NHSL1: variants seen among roughly 807,000 people sequenced by gnomAD.
The protein encoded by NHSL1 is NHS-like protein 1.
Under a neutral mutation model 95.0 loss-of-function variants are expected in NHSL1, and 48 were observed. That is an observed-to-expected ratio of 0.51 (90% CI 0.40 to 0.64). The LOEUF is 0.64. NHSL1 is among the 30% of genes least tolerant of loss of function. NHSL1 has a pLI of 0.00. For missense variants in NHSL1, 1,971 were observed against 2,077.7 expected, an observed-to-expected ratio of 0.95 and a Z score of 1.00; for synonymous variants, 783 against 833.9, an observed-to-expected ratio of 0.94 and a Z score of 1.05.
intron 1 of NHSL1, among the ~76,000 whole-genome samples, chr6:138,498,090 T>G (rs1198803307): frequency 6.6e-6 from 1 of 152,204 alleles, no homozygotes; most frequent in African/African-American, 2.4e-5. Flanking sequence ...CATTTGTGTT[T>G]CAGAAGAATC....
intron 3 of NHSL1, among the ~76,000 whole-genome samples, chr6:138,453,758 G>C (rs966553587): frequency 1.3e-5 from 2 of 151,534 alleles, no homozygotes; most frequent in Non-Finnish European, 2.9e-5. Context: ...ACATTGCCCA[G>C]GCTGGTCTTG....
intron 5 of NHSL1, among the ~76,000 whole-genome samples, chr6:138,437,459 A>AAT (rs1776263141): frequency 7.1e-6 from 1 of 141,814 alleles, no homozygotes; most frequent in African/African-American, 2.8e-5. Flanking sequence ...AAAAAAAAAA[A>AAT]AAAATACAAT....
intron 1 of NHSL1, among the ~76,000 whole-genome samples, chr6:138,531,042 A>G (rs1782113103): frequency 6.6e-6 from 1 of 152,120 alleles, no homozygotes; most frequent in Admixed American, 6.6e-5. Flanking sequence ...CTATGAGGAG[A>G]CAGCAGTCTG....
chr6:138,611,224 C>G (rs1784508349), intron 1 of NHSL1, among the ~76,000 whole-genome samples: 2 of 152,160 alleles, frequency 1.3e-5, no homozygotes, highest in South Asian at 4.1e-4. Context: ...TCAGTGTCAA[C>G]TATAAATAGC....
intron 1 of NHSL1, among the ~76,000 whole-genome samples, chr6:138,505,203 T>C (rs1272130373): frequency 2.0e-5 from 3 of 152,194 alleles, no homozygotes; most frequent in Non-Finnish European, 4.4e-5. Context: ...AAGTCTTTAT[T>C]TGGAATCCAA....
At chr6:138,588,625 T>C (rs1165658731) in intron 1 of NHSL1, among the ~76,000 whole-genome samples, 1 of 152,236 alleles carries the variant, frequency 6.6e-6, no homozygotes, top group Non-Finnish European at 1.5e-5. Context: ...CATCTGTCCG[T>C]AGAACAGACA....
At chr6:138,591,294 A>C (rs558731794) in intron 1 of NHSL1, among the ~76,000 whole-genome samples, 2 of 152,324 alleles carry the variant, frequency 1.3e-5, no homozygotes, top group African/African-American at 4.8e-5. Flanking sequence ...TATTTAAAGT[A>C]GTCCCTCCCC....
chr6:138,670,774 G>A (rs1348211461), intron 1 of NHSL1, among the ~76,000 whole-genome samples: 8 of 150,296 alleles, frequency 5.3e-5, no homozygotes, highest in African/African-American at 2.0e-4. Context: ...CCCAGAACAA[G>A]AACAACAAAA....
At chr6:138,521,057 T>C (rs1446878822) in intron 1 of NHSL1, among the ~76,000 whole-genome samples, 1 of 152,152 alleles carries the variant, frequency 6.6e-6, no homozygotes, top group African/African-American at 2.4e-5. Flanking sequence ...AAAACCACAG[T>C]ATTCCAGATA....
chr6:138,632,874 C>T (rs750899111), intron 1 of NHSL1, among the ~76,000 whole-genome samples: 14 of 152,086 alleles, frequency 9.2e-5, no homozygotes, highest in Non-Finnish European at 1.8e-4. Context: ...AAATAAAGCA[C>T]CAGGGACCAA....
At chr6:138,445,197 C>T (rs571124163) in intron 4 of NHSL1, among the ~76,000 whole-genome samples, 9 of 152,240 alleles carry the variant, frequency 5.9e-5, no homozygotes, top group African/African-American at 1.7e-4. Flanking sequence ...TGCATTTCAC[C>T]TTAATTCCAT....
chr6:138,475,964 A>AAAAAC (rs1207567867), intron 2 of NHSL1, among the ~76,000 whole-genome samples: 1 of 152,120 alleles, frequency 6.6e-6, no homozygotes, highest in Non-Finnish European at 1.5e-5. Flanking sequence ...CTCTGTCTCA[A>AAAAAC]AAAACAAAAC....
intron 1 of NHSL1, among the ~76,000 whole-genome samples, chr6:138,538,581 G>A (rs915837505): frequency 6.6e-6 from 1 of 151,974 alleles, no homozygotes; most frequent in African/African-American, 2.4e-5. Context: ...CCCAATGTTC[G>A]CGCCCTCGAG....
At chr6:138,533,160 T>C (rs140257906) in intron 1 of NHSL1, among the ~76,000 whole-genome samples, 1 of 152,192 alleles carries the variant, frequency 6.6e-6, no homozygotes, top group Non-Finnish European at 1.5e-5. Context: ...GTAATGGCAA[T>C]ACAAAGAAAT....
upstream of NHSL1, among the ~76,000 whole-genome samples, chr6:138,550,547 T>G (rs1782963299): frequency 1.3e-5 from 2 of 152,198 alleles, no homozygotes; most frequent in African/African-American, 4.8e-5. Context: ...CCTTGTAGGA[T>G]TACAACATCC....
chr6:138,684,936 G>A (rs6941741), intron 1 of NHSL1, among the ~76,000 whole-genome samples: 6,856 of 152,150 alleles, frequency 0.045, 319 homozygotes, highest in African/African-American at 0.12. Flanking sequence ...GCCTAGTTAG[G>A]TGCAAGTCAT....
At chr6:138,473,742 A>G (rs1778898402) in intron 2 of NHSL1, among the ~76,000 whole-genome samples, 1 of 152,118 alleles carries the variant, frequency 6.6e-6, no homozygotes, top group South Asian at 2.1e-4. Flanking sequence ...AGTTTAGGGT[A>G]ATTATATTAT....
chr6:138,659,519 A>G (rs1213735190), intron 1 of NHSL1, among the ~76,000 whole-genome samples: 1 of 152,164 alleles, frequency 6.6e-6, no homozygotes, highest in Non-Finnish European at 1.5e-5. Flanking sequence ...CTGCCAAGTT[A>G]GCATCTGGGG....
chr6:138,424,089 C>T lies in NHSL1; in HGVS notation c.4813G>A (p.Glu1605Lys). The T allele has an allele frequency of 7.2e-7, 1 of 1,391,094 alleles. No individual in the cohort carries two copies. Among genetic ancestry groups the T allele is most frequent in the Non-Finnish European group, 9.3e-7 (1 of 1,074,136 alleles). 86.2% of individuals were successfully genotyped at this position (1,391,094 alleles called of 1,614,324 possible). The change falls in exon 8 of 8, where the codon GAG becomes AAG. Residue 1605 changes from glutamate to lysine, a missense_variant. This residue lies in a region of NHSL1 where 223 missense variants were observed against 217.0 expected (regional missense o/e 1.03). Transcript: ENST00000343505. The surrounding 1 kb of genome is among the most constrained non-coding windows in gnomAD (Gnocchi z 5.9). ...SPQCGGSLSE[E>K]S The stretch of plus-strand genomic sequence containing the variant: ...GAGTTACGTTCTTGGCCCTAACTCT[C>T]CTCGCTCAGAGAACCGCCACACTGT...
Sources: gnomAD v4.1 joint callset for allele counts (sites outside exome capture counted in the v4.1 genomes callset) on GRCh38, gnomAD v4.1.1 for gene constraint, gnomAD v4.1.1 regional missense constraint, Gnocchi (gnomAD v3.1) non-coding constraint, MANE v1.5 for transcripts, NCBI Gene and HGNC (gene_info 2026-07-23, HGNC 2026-07-21) for gene names.